CDH13: variants seen among roughly 807,000 people sequenced by gnomAD.
The protein encoded by CDH13 is cadherin 13.
Under a neutral mutation model 63.8 loss-of-function variants are expected in CDH13, and 24 were observed. The observed-to-expected ratio is 0.38, with a 90% confidence interval of 0.27 to 0.53. The LOEUF is 0.53. Ranked by LOEUF, CDH13 falls within the 20% of genes least tolerant of loss-of-function variation. The pLI, the probability that CDH13 is intolerant of heterozygous loss-of-function variation, is 0.85. For synonymous variants in CDH13, 503 were observed against 355.3 expected, an observed-to-expected ratio of 1.42 and a Z score of -4.67; for missense variants, 1,049 against 903.1, an observed-to-expected ratio of 1.16 and a Z score of -2.07.
chr16:82,631,304 C>G (rs1194065686), intron 1 of CDH13, among the ~76,000 whole-genome samples: 1 of 152,200 alleles, frequency 6.6e-6, no homozygotes, highest in Non-Finnish European at 1.5e-5. Flanking sequence ...TGATTTCATT[C>G]TTTAGGTAGC....
intron 2 of CDH13, among the ~76,000 whole-genome samples, chr16:82,989,067 G>A (rs1764822487): frequency 6.6e-6 from 1 of 152,154 alleles, no homozygotes; most frequent in African/African-American, 2.4e-5. Context: ...TTGAAATATA[G>A]GGTAAGGCCT....
rs144363215 is a variant in CDH13 at position 83,123,290 on chromosome 16, C to G, written c.367-2095C>G. Among the ~76,000 whole-genome samples, 32 of 149,812 alleles carry G rather than the reference C, an allele frequency of 2.1e-4. No individual in the cohort carries two copies. In the East Asian group the frequency reaches 5.9e-3, roughly 28 times the overall value. On this transcript the variant is annotated intron_variant, in intron 3 of 13. Coordinates refer to ENST00000567109, the MANE Select transcript of CDH13 (RefSeq NM_001257.5). ...TATATATCCCACATTTTCTTTTTTT[C>G]TTTTTTGAGACTGATTTTCACTCTT...
chr16:83,444,739 C>A (rs2072616658), intron 6 of CDH13, among the ~76,000 whole-genome samples: 1 of 37,608 alleles, frequency 2.7e-5, no homozygotes, highest in Admixed American at 2.8e-4. Context: ...GTGCTGAAAC[C>A]AGCTTAAATC....
At chr16:83,048,775 T>A (rs894217940) in intron 3 of CDH13, among the ~76,000 whole-genome samples, 11 of 152,224 alleles carry the variant, frequency 7.2e-5, no homozygotes, top group African/African-American at 2.6e-4. Flanking sequence ...CACTCTTACA[T>A]CTTAAATTTT....
At chr16:82,894,497 C>T (rs2041184047) in intron 2 of CDH13, among the ~76,000 whole-genome samples, 1 of 152,068 alleles carries the variant, frequency 6.6e-6, no homozygotes, top group South Asian at 2.1e-4. Flanking sequence ...CAAAAATTAG[C>T]CAGGCATGGT....
At chr16:83,234,845 A>T (rs1279941681) in intron 5 of CDH13, among the ~76,000 whole-genome samples, 2 of 152,132 alleles carry the variant, frequency 1.3e-5, no homozygotes, top group Admixed American at 6.5e-5. Context: ...GAAAGAACCA[A>T]ATGACAAACC....
rs551283391 is a variant in CDH13, at chr16:82,809,247, A to C, written c.46-49115A>C. Among the ~76,000 whole-genome samples the C allele has an allele frequency of 7.2e-5, 11 of 151,830 alleles. No homozygotes were observed. In the South Asian group the frequency reaches 1.2e-3, roughly 17 times the overall value. On this transcript the variant is annotated intron_variant, in intron 1 of 13. Transcript: ENST00000567109. ...TAAACATTTGCCAAGCTATTATTAC[A>C]TTATTTTTTCATGTTCATTTCTTCA...
chr16:83,508,063 G>GGAAA (rs1555563663), intron 7 of CDH13, among the ~76,000 whole-genome samples: 11 of 32,794 alleles, frequency 3.4e-4, no homozygotes, highest in Non-Finnish European at 4.8e-4. Flanking sequence ...GAAGAAGGAA[G>GGAAA]GAAGGAAGGA....
At chr16:83,461,323 C>T (rs538177768) in intron 6 of CDH13, among the ~76,000 whole-genome samples, 1 of 152,170 alleles carries the variant, frequency 6.6e-6, no homozygotes, top group South Asian at 2.1e-4. Context: ...AATCTTATCT[C>T]ATTCAACATT....
rs769262378 is a variant in CDH13, at chr16:83,783,312, C to T, written c.1974C>T (p.Pro658=). 9 of 1,613,930 alleles carry T rather than the reference C, an allele frequency of 5.6e-6. No individual in the cohort carries two copies. Among genetic ancestry groups the T allele is most frequent in the Non-Finnish European group, 6.8e-6 (8 of 1,179,862 alleles). ...QNLNKANYNL[P]IMVTDSGKPP... is the part of the protein sequence containing the mutation. ...TGAACAAAGCAAACTACAACCTGCC[C>T]ATCATGGTGACAGATTCAGGGAAAC... is the stretch of plus-strand genomic sequence containing the variant. The change falls in exon 13 of 14, where the codon CCC becomes CCT. Residue 658 remains proline, a synonymous_variant. Transcript: ENST00000567109.
At chr16:83,216,091 C>G (rs1020745470) in intron 4 of CDH13, among the ~76,000 whole-genome samples, 7 of 151,930 alleles carry the variant, frequency 4.6e-5, no homozygotes, top group Middle Eastern at 3.4e-3. Flanking sequence ...TCTTCCTTGT[C>G]TGCCTGCTGC....
chr16:83,364,830 G>C (rs1343028030), intron 6 of CDH13, among the ~76,000 whole-genome samples: 1 of 152,168 alleles, frequency 6.6e-6, no homozygotes, highest in African/African-American at 2.4e-5. Flanking sequence ...AACACCACAT[G>C]TTCTCCCTCA....
At chr16:83,408,540 T>C (rs544276716) in intron 6 of CDH13, among the ~76,000 whole-genome samples, 2 of 152,306 alleles carry the variant, frequency 1.3e-5, no homozygotes, top group East Asian at 3.9e-4. Context: ...ATAGAAAAGA[T>C]ACCATAAAAA....
chr16:83,693,781 C>A (rs1040777828), intron 10 of CDH13, among the ~76,000 whole-genome samples: 11 of 152,194 alleles, frequency 7.2e-5, no homozygotes, highest in African/African-American at 2.7e-4. Flanking sequence ...ATATTTTCTG[C>A]TAGTAAAACT....
intron 6 of CDH13, among the ~76,000 whole-genome samples, chr16:83,484,355 C>G (rs1387378): frequency 6.6e-6 from 1 of 152,198 alleles, no homozygotes; most frequent in Admixed American, 6.5e-5. Context: ...TGATCTCTTC[C>G]GGTTAGGTCA....
chr16:83,027,807 G>A (rs1318604144), intron 2 of CDH13, among the ~76,000 whole-genome samples: 3 of 152,138 alleles, frequency 2.0e-5, no homozygotes, highest in African/African-American at 7.2e-5. Flanking sequence ...ATCCAGTTCG[G>A]TAGATGCCGC....
intron 1 of CDH13, among the ~76,000 whole-genome samples, chr16:82,642,292 C>T (rs1200201536): frequency 1.3e-5 from 2 of 152,094 alleles, no homozygotes; most frequent in Non-Finnish European, 2.9e-5. Context: ...GGGTTTTAGG[C>T]AAACACAGTT....
chr16:82,752,157 C>T (rs1388247050), intron 1 of CDH13, among the ~76,000 whole-genome samples: 4 of 152,216 alleles, frequency 2.6e-5, no homozygotes, highest in Non-Finnish European at 5.9e-5. Context: ...ACAATCAATA[C>T]ATGAGCCTCC....
intron 5 of CDH13, among the ~76,000 whole-genome samples, chr16:83,319,726 G>C (rs573375071): frequency 2.0e-5 from 3 of 152,226 alleles, no homozygotes; most frequent in Non-Finnish European, 4.4e-5. Context: ...AAATATGCTG[G>C]GTGAGGAAGA....
Sources: gnomAD v4.1 joint callset for allele counts (sites outside exome capture counted in the v4.1 genomes callset) on GRCh38, gnomAD v4.1.1 for gene constraint, MANE v1.5 for transcripts, NCBI Gene and HGNC (gene_info 2026-07-23, HGNC 2026-07-21) for gene names.